Variants in COL6A5 observed in about 807,000 individuals in gnomAD.
COL6A5 encodes the protein collagen alpha-5(VI) chain.
In COL6A5, 48 loss-of-function variants were observed where a neutral mutation model predicts 65.6. That is an observed-to-expected ratio of 0.73 (90% CI 0.58 to 0.93). The LOEUF (loss-of-function observed/expected upper bound fraction) is 0.93, where lower values mean the gene tolerates loss of function less well. Ranked by LOEUF, COL6A5 falls within the 40% of genes least tolerant of loss-of-function variation. COL6A5 has a pLI of 0.00. For missense variants in COL6A5, 914 were observed against 928.3 expected (o/e 0.98, Z 0.20); for synonymous variants, 291 against 322.8 (o/e 0.90, Z 1.05).
chr3:130,425,429 A>G (rs1408357378), intron 29 of COL6A5, among the ~76,000 whole-genome samples: 1 of 152,134 alleles, frequency 6.6e-6, no homozygotes, highest in South Asian at 2.1e-4. Flanking sequence ...TTTTTTTTGA[A>G]GTGAGCATAC....
exon 1 of COL6A5, chr3:130,431,634 T>C: frequency 6.4e-7 from 1 of 1,551,562 alleles, no homozygotes; most frequent in East Asian, 2.4e-5. Context: ...TGGTTTCCTA[T>C]AACTCAGGCA....
intron 1 of COL6A5, among the ~76,000 whole-genome samples, chr3:130,437,979 GT>G (rs1049994992): frequency 6.6e-5 from 10 of 151,558 alleles, no homozygotes; most frequent in South Asian, 2.1e-4. Context: ...AGATAGAGGG[GT>G]TTTTTTTGTT....
chr3:130,461,299 C>T (rs141729329), intron 5 of COL6A5, among the ~76,000 whole-genome samples: 1 of 152,032 alleles, frequency 6.6e-6, no homozygotes, highest in East Asian at 1.9e-4. Context: ...ATGCAGGACA[C>T]CTTTCAAAGT....
At chr3:130,363,289 T>A (rs1935208338) in intron 1 of COL6A5, among the ~76,000 whole-genome samples, 2 of 152,198 alleles carry the variant, frequency 1.3e-5, no homozygotes, top group South Asian at 4.1e-4. Context: ...AACAAAATAA[T>A]TCAAATTCAC....
intron 1 of COL6A5, among the ~76,000 whole-genome samples, chr3:130,438,351 A>C (rs554908923): frequency 6.6e-6 from 1 of 152,282 alleles, no homozygotes; most frequent in South Asian, 2.1e-4. Context: ...CTAGAACTAC[A>C]CCTATAACAT....
intron 15 of COL6A5, 28 bp downstream of exon 15, chr3:130,406,047 T>C: frequency 1.9e-6 from 3 of 1,551,084 alleles, no homozygotes; most frequent in Non-Finnish European, 2.6e-6. Flanking sequence ...TAGTTTAATT[T>C]GATTTCCAAA....
chr3:130,368,971 GA>G (rs1935451814), intron 1 of COL6A5, among the ~76,000 whole-genome samples: 1 of 152,160 alleles, frequency 6.6e-6, no homozygotes, highest in African/African-American at 2.4e-5. Flanking sequence ...CCTCAGGTGG[GA>G]GTGCATGGAT....
chr3:130,385,038 T>C (rs1450373419), exon 5 of COL6A5: 2 of 1,550,866 alleles, frequency 1.3e-6, no homozygotes, highest in Admixed American at 3.9e-5. Context: ...ATTTTTAACA[T>C]TAAGCAACTA....
intron 5 of COL6A5, among the ~76,000 whole-genome samples, chr3:130,468,025 A>C (rs1413757465): frequency 6.6e-6 from 1 of 152,052 alleles, no homozygotes; most frequent in Admixed American, 6.6e-5. Flanking sequence ...GAGCTACTTG[A>C]AGTGCTCATC....
chr3:130,417,491 C>T (rs1281752646), intron 24 of COL6A5, among the ~76,000 whole-genome samples: 1 of 152,034 alleles, frequency 6.6e-6, no homozygotes, highest in African/African-American at 2.4e-5. Flanking sequence ...GTGATCTCAC[C>T]CATCAGAAAC....
intron 4 of COL6A5, 35 bp from the exon 37 acceptor site, chr3:130,455,420 T>G: frequency 7.3e-7 from 1 of 1,360,836 alleles, no homozygotes; most frequent in African/African-American, 1.4e-5. Context: ...TCTCTAAAGT[T>G]ATCTAGACTC....
exon 3 of COL6A5, chr3:130,440,263 A>G: frequency 1.2e-6 from 2 of 1,613,396 alleles, no homozygotes; most frequent in African/African-American, 1.3e-5. Context: ...GGAATATAGC[A>G]AAGGATGAGT....
intron 20 of COL6A5, among the ~76,000 whole-genome samples, chr3:130,412,664 C>G (rs1297866007): frequency 1.3e-5 from 2 of 152,138 alleles, no homozygotes; most frequent in African/African-American, 4.8e-5. Flanking sequence ...TGGGTACAAA[C>G]AGCTGAAAAG....
exon 5 of COL6A5, chr3:130,385,224 A>G (rs1430961050): frequency 1.3e-6 from 2 of 1,551,098 alleles, no homozygotes; most frequent in Admixed American, 2.0e-5. Flanking sequence ...ATCACTGTTC[A>G]TGCAGTTGGC....
At chr3:130,405,102 C>T (rs1485887765) in intron 13 of COL6A5, among the ~76,000 whole-genome samples, 2 of 152,224 alleles carry the variant, frequency 1.3e-5, no homozygotes, top group Non-Finnish European at 2.9e-5. Flanking sequence ...CTGGTGATTC[C>T]TCCTGTGAGG....
At chr3:130,477,779 C>A (rs1052448975) in intron 7 of COL6A5, among the ~76,000 whole-genome samples, 1 of 152,030 alleles carries the variant, frequency 6.6e-6, no homozygotes, top group Non-Finnish European at 1.5e-5. Context: ...GGGGTCCTTT[C>A]ATTGGATATT....
intron 4 of COL6A5, among the ~76,000 whole-genome samples, chr3:130,449,554 A>T (rs1281496924): frequency 6.6e-6 from 1 of 152,138 alleles, no homozygotes; most frequent in Non-Finnish European, 1.5e-5. Flanking sequence ...TGTTAGCGGG[A>T]TGTTTAAGCC....
intron 4 of COL6A5, among the ~76,000 whole-genome samples, chr3:130,381,506 A>G (rs1391057): frequency 0.3 from 45,680 of 151,926 alleles, 8,008 homozygotes; most frequent in East Asian, 0.5. Flanking sequence ...CTGACATTTA[A>G]ATCCTGTCTA....
At chr3:130,360,011 A>C (rs1935055361) in intron 1 of COL6A5, among the ~76,000 whole-genome samples, 1 of 152,122 alleles carries the variant, frequency 6.6e-6, no homozygotes, top group Admixed American at 6.6e-5. Context: ...TGACAACTAC[A>C]TCAGCTCAAA....
Sources: gnomAD v4.1 joint callset for allele counts (sites outside exome capture counted in the v4.1 genomes callset) on GRCh38, gnomAD v4.1.1 for gene constraint, MANE v1.5 for transcripts, NCBI Gene and HGNC (gene_info 2026-07-23, HGNC 2026-07-21) for gene names.